Variants in TMEM255A observed in about 807,000 individuals in gnomAD.
TMEM255A encodes the protein transmembrane protein 255A.
TMEM255A carries 14 observed loss-of-function variants against 23.5 expected under a neutral mutation model. The observed-to-expected ratio is 0.60, with a 90% CI of 0.39 to 0.93. The LOEUF is 0.93. Among genes scored for constraint, TMEM255A ranks in the 40% least tolerant of loss-of-function variants. The pLI, the probability that TMEM255A is intolerant of heterozygous loss-of-function variation, is 0.00. For missense variants in TMEM255A, 233 were observed against 261.7 expected, an observed-to-expected ratio of 0.89 and a Z score of 0.76; for synonymous variants, 104 against 100.3, an observed-to-expected ratio of 1.04 and a Z score of -0.22.
intron 7 of TMEM255A, among the ~76,000 whole-genome samples, chrX:120,274,143 A>C: frequency 8.9e-6 from 1 of 112,342 alleles, no homozygotes. Flanking sequence ...AAATATGATA[A>C]GTGAAAGGAG....
At chrX:120,254,266 A>G (rs181019657), downstream of TMEM255A, 7 of 1,210,509 alleles carry the variant, frequency 5.8e-6, 1 homozygote, top group Admixed American at 8.7e-5. Flanking sequence ...ATTTTGTTAA[A>G]TCAGACACCA....
intron 1 of TMEM255A, among the ~76,000 whole-genome samples, chrX:120,310,741 C>T (rs1300525566): frequency 1.4e-5 from 1 of 70,331 alleles, no homozygotes; most frequent in Admixed American, 1.6e-4. Flanking sequence ...CCCCCCCCCC[C>T]AATCAGCGAG....
intron 8 of TMEM255A, among the ~76,000 whole-genome samples, chrX:120,266,993 G>A (rs1362361739): frequency 2.7e-5 from 3 of 112,035 alleles, no homozygotes; most frequent in Non-Finnish European, 5.6e-5. Context: ...GGAACGCTAA[G>A]CTTGTGGGAG....
Position 120,260,516 on chromosome X carries a change from C to A in TMEM255A, c.*354G>T. ...ACCTAGGTGCTGGGGTGGCAATCTGCCAAGGGCCCGAGGGCAACACTCCTT... is the reference window on the plus strand; with the variant it reads ...ACCTAGGTGCTGGGGTGGCAATCTGACAAGGGCCCGAGGGCAACACTCCTT... On this transcript the variant is annotated 3_prime_UTR_variant, in exon 9 of 9. Transcript: ENST00000371369. 1 of 146,664 alleles carries A rather than the reference C, an allele frequency of 6.8e-6. No homozygotes were observed. Among genetic ancestry groups the A allele is most frequent in the Non-Finnish European group, 1.3e-5 (1 of 76,447 alleles). The allele number at this position is 146,664 out of a possible 1,213,427, so 12.1% of individuals were successfully genotyped here. A position where few individuals can be genotyped will look rare whatever the true frequency, so the allele number is the denominator to read the frequency against.
intron 7 of TMEM255A, among the ~76,000 whole-genome samples, chrX:120,270,358 C>T (rs12839014): frequency 0.059 from 6,350 of 108,256 alleles, 452 homozygotes; most frequent in African/African-American, 0.2. Flanking sequence ...GTGAGACGCC[C>T]GCCCTGCCCC....
At chrX:120,252,476 C>T in the TMEM255A span, among the ~76,000 whole-genome samples, 1 of 111,455 alleles carries the variant, frequency 9.0e-6, no homozygotes, top group African/African-American at 3.3e-5. Context: ...TGACATCATC[C>T]CCTTTTTCTA....
At chrX:120,253,331 G>C in the TMEM255A span, 2 of 901,606 alleles carry the variant, frequency 2.2e-6, no homozygotes, top group Non-Finnish European at 3.0e-6. Flanking sequence ...ACTATTTAAT[G>C]ATGCTACTGC....
rs782320886 is a variant in TMEM255A, at chrX:120,260,813, C to G, written c.*57G>C. ...TTAAATTTTGTACCCTACACACTTC[C>G]ACTGAAGCAGAAATACAAAAGCCAC... On this transcript the variant is annotated 3_prime_UTR_variant, in exon 9 of 9. Transcript: ENST00000371369. 21 of 1,185,546 alleles carry G rather than the reference C, an allele frequency of 1.8e-5. No homozygotes were observed. Among genetic ancestry groups the G allele is most frequent in the African/African-American group, 5.4e-5 (3 of 56,024 alleles).
Position 120,260,905 on chromosome X carries a change from G to A in TMEM255A, c.943C>T (p.Pro315Ser), listed in dbSNP as rs1556016505. 1 of 1,203,996 alleles carries A rather than the reference G, an allele frequency of 8.3e-7. No individual in the cohort carries two copies. Among genetic ancestry groups the A allele is most frequent in the Non-Finnish European group, 1.1e-6 (1 of 892,867 alleles). Reference sequence around the variant, plus strand: ...TAAGGTGGTGGCTTTTCAAAAGGTGGATAGTAGGGTGGAGAGTAACGGGGC... The same window carrying A: ...TAAGGTGGTGGCTTTTCAAAAGGTGAATAGTAGGGTGGAGAGTAACGGGGC... The part of the protein sequence containing the change: ...APPRYSPPYY[P>S]PFEKPPPYSP The change falls in exon 9 of 9, where the codon CCA (proline) becomes TCA (serine). Residue 315 changes from proline to serine, a missense_variant. Coordinates refer to ENST00000371369, the MANE Select transcript of TMEM255A (RefSeq NM_001104544.3).
chrX:120,292,088 G>A (rs991229304), intron 3 of TMEM255A, among the ~76,000 whole-genome samples: 1 of 111,227 alleles, frequency 9.0e-6, no homozygotes, highest in Non-Finnish European at 1.9e-5. Context: ...CAATCCTCCT[G>A]CCTCAGCCTC....
chrX:120,298,965 G>C (rs1167435034), intron 2 of TMEM255A, among the ~76,000 whole-genome samples: 1 of 110,714 alleles, frequency 9.0e-6, no homozygotes, highest in African/African-American at 3.3e-5. Context: ...AGGCAGAAAA[G>C]CCCAAGTCGT....
rs2057881404 is a variant in TMEM255A, at chrX:120,287,174, A to G, written c.403T>C (p.Ser135Pro). 2 of 1,209,005 alleles carry G rather than the reference A, an allele frequency of 1.7e-6. No homozygotes were observed. The highest frequency in any genetic ancestry group is 2.2e-6 in the Non-Finnish European group (2 of 894,561). Residue 135 changes from serine (S) to proline (P), a missense_variant, in exon 5 of 9, where the codon TCA becomes CCA. By Grantham distance (74) the Ser-to-Pro change is moderately conservative. Coordinates refer to ENST00000371369, the MANE Select transcript of TMEM255A (RefSeq NM_001104544.3). ...CTCACCTCCTCAGCTTCCTTCTGTG[A>G]TGTCTTGGGAACATAATGGCACCGG... is the stretch of plus-strand genomic sequence containing the variant. ...ANRCHYVPKT[S>P]QKEAEEVNCP...
rs781862861 is a variant in TMEM255A at position 120,268,408 on chromosome X, G to T, written c.676-21C>A. ...GGGTTCTGTAGAAAAACACAAATTA[G>T]AAACAACATAAACAGTCATCACTAG... On this transcript the variant is annotated intron_variant, in intron 7 of 8. Coordinates refer to ENST00000371369, the MANE Select transcript of TMEM255A (RefSeq NM_001104544.3). 47 of 1,152,992 alleles carry T rather than the reference G, an allele frequency of 4.1e-5. 1 individual carries two copies. The highest frequency in any genetic ancestry group is 4.9e-5 in the Non-Finnish European group (42 of 854,026).
At chrX:120,294,676 G>A (rs1283179035) in intron 2 of TMEM255A, among the ~76,000 whole-genome samples, 3 of 111,470 alleles carry the variant, frequency 2.7e-5, no homozygotes, top group Non-Finnish European at 5.6e-5. Flanking sequence ...GAGTCAGTAA[G>A]AGACATATAA....
chrX:120,270,295 TTGTGTG>T (rs372856986), intron 7 of TMEM255A, among the ~76,000 whole-genome samples: 216 of 107,390 alleles, frequency 2.0e-3, no homozygotes, highest in Middle Eastern at 4.8e-3. Context: ...GAGTGTGTGT[TTGTGTG>T]TGTGTGTGTG....
rs1268013600 is a variant in TMEM255A at position 120,259,014 on chromosome X, A to G, written c.*1856T>C. The G allele has an allele frequency of 1.8e-5, 2 of 112,996 alleles. No homozygotes were observed. Among genetic ancestry groups the G allele is most frequent in the African/African-American group, 6.4e-5 (2 of 31,036 alleles). 9.3% of individuals were successfully genotyped at this position (112,996 alleles called of 1,213,427 possible). ...TCTATACTGTTTCAGGTTATTTTGT[A>G]AAGTAAGAAAAATACATAGAAATGA... On this transcript the variant is annotated 3_prime_UTR_variant, in exon 9 of 9. Coordinates refer to ENST00000371369, the MANE Select transcript of TMEM255A (RefSeq NM_001104544.3).
intron 7 of TMEM255A, among the ~76,000 whole-genome samples, chrX:120,270,249 A>T (rs1476353917): frequency 9.0e-6 from 1 of 110,672 alleles, no homozygotes; most frequent in Non-Finnish European, 1.9e-5. Context: ...TTTTACAATA[A>T]ATTTGGGCCC....
intron 8 of TMEM255A, among the ~76,000 whole-genome samples, chrX:120,266,331 C>A (rs1474978608): frequency 1.8e-5 from 2 of 108,774 alleles, no homozygotes; most frequent in African/African-American, 3.4e-5. Flanking sequence ...TGTCCCCTGA[C>A]CCCCCACCCC....
chrX:120,305,935 T>C lies in TMEM255A; in HGVS notation c.59-1444A>G, dbSNP rs1035614496. 4.5e-5 allele frequency among the ~76,000 whole-genome samples: 5 copies of C among 111,807 alleles called. No individual in the cohort carries two copies. In the Admixed American group the frequency reaches 4.7e-4, roughly 11 times the overall value. On this transcript the variant is annotated intron_variant, in intron 1 of 8. Transcript: ENST00000371369. ...GGTGGGAGGGGCAGGCGGTCTCCCC[T>C]GACGTCAGCTTCGAAAATGAGGGAT...
Sources: allele counts gnomAD v4.1 joint callset (sites outside exome capture counted in the v4.1 genomes callset), GRCh38; gene constraint gnomAD v4.1.1; transcripts MANE v1.5; gene names NCBI Gene and HGNC (gene_info 2026-07-23, HGNC 2026-07-21).